PGAP4: variants seen among roughly 807,000 people sequenced by gnomAD.
PGAP4 encodes GPI-N-acetylgalactosamine transferase PGAP4.
A neutral mutation model predicts 28.2 loss-of-function variants in PGAP4; 12 were observed. The observed-to-expected ratio is 0.42, with a 90% CI of 0.27 to 0.69. The LOEUF is 0.69. PGAP4 is among the 30% of genes least tolerant of loss of function. The probability of loss-of-function intolerance (pLI) is 0.22; values close to 1 mark genes in which losing one functional copy is unlikely to be tolerated. For synonymous variants in PGAP4, 205 were observed against 211.8 expected, an observed-to-expected ratio of 0.97 and a Z score of 0.28; for missense variants, 425 against 513.5, an observed-to-expected ratio of 0.83 and a Z score of 1.67.
Position 101,518,469 on chromosome 9 carries a change from G to A in PGAP4, c.-165+12879C>T, listed in dbSNP as rs940238387. Among the ~76,000 whole-genome samples the A allele has an allele frequency of 1.3e-5, 2 of 152,072 alleles. 1 individual carries two copies. Among genetic ancestry groups the A allele is most frequent in the African/African-American group, 4.8e-5 (2 of 41,398 alleles). Reference sequence around the variant, plus strand: ...CCCAAGTCCCCAATATCCATTGTATGATTCTTATGCCATTGTGTTTCATAG... The same window carrying A: ...CCCAAGTCCCCAATATCCATTGTATAATTCTTATGCCATTGTGTTTCATAG... On this transcript the variant is annotated intron_variant, in intron 2 of 3. Coordinates refer to the PGAP4 transcript ENST00000374851.
intron 1 of PGAP4, among the ~76,000 whole-genome samples, chr9:101,483,970 A>G (rs1385059808): frequency 6.6e-6 from 1 of 152,186 alleles, no homozygotes; most frequent in Non-Finnish European, 1.5e-5. Context: ...ACTTCGAGGG[A>G]GTGTCACAGT....
rs573697758 is a variant in PGAP4 at position 101,500,282 on chromosome 9, G to C, written c.-164-11082C>G. On this transcript the variant is annotated intron_variant, in intron 2 of 3. Coordinates refer to the PGAP4 transcript ENST00000374851. The stretch of plus-strand genomic sequence containing the variant: ...GTCAACAGAGCTGGTTCCTTCCTGA[G>C]GCTCTGAGGAGAGAATCCATTTTCT... Among the ~76,000 whole-genome samples the C allele has an allele frequency of 4.6e-5, 7 of 152,124 alleles. No individual in the cohort carries two copies. In the East Asian group the frequency reaches 1.4e-3, roughly 29 times the overall value.
At chr9:101,511,337 T>C (rs952266713) in intron 2 of PGAP4, among the ~76,000 whole-genome samples, 3 of 152,182 alleles carry the variant, frequency 2.0e-5, no homozygotes, top group Non-Finnish European at 4.4e-5. Context: ...GCATGCTTTA[T>C]AGCAGGGGTC....
At chr9:101,505,125 A>G (rs778692987) in intron 2 of PGAP4, among the ~76,000 whole-genome samples, 3 of 152,090 alleles carry the variant, frequency 2.0e-5, no homozygotes, top group Non-Finnish European at 4.4e-5. Context: ...CTACTATCTA[A>G]AGGACTGAGT....
At chr9:101,524,971 C>A (rs546362478) in intron 2 of PGAP4, among the ~76,000 whole-genome samples, 1 of 152,184 alleles carries the variant, frequency 6.6e-6, no homozygotes, top group Non-Finnish European at 1.5e-5. Flanking sequence ...GCAATCTAGT[C>A]CTGCCTCCCA....
chr9:101,520,864 C>T (rs1301219215), intron 2 of PGAP4, among the ~76,000 whole-genome samples: 6 of 152,012 alleles, frequency 3.9e-5, no homozygotes, highest in South Asian at 2.1e-4. Flanking sequence ...TTGTCACAGA[C>T]GGCTTTTATT....
At chr9:101,497,073 A>G (rs1158206862) in intron 2 of PGAP4, among the ~76,000 whole-genome samples, 2 of 150,812 alleles carry the variant, frequency 1.3e-5, no homozygotes, top group Non-Finnish European at 3.0e-5. Flanking sequence ...TCATTTATAG[A>G]TGAGAACTAT....
chr9:101,513,316 G>A (rs1201801179), intron 2 of PGAP4, among the ~76,000 whole-genome samples: 2 of 152,100 alleles, frequency 1.3e-5, no homozygotes, highest in Non-Finnish European at 2.9e-5. Flanking sequence ...CTAATCTTGT[G>A]ATTCTTCCAA....
At chr9:101,528,175 G>A (rs79728660) in intron 2 of PGAP4, among the ~76,000 whole-genome samples, 5,284 of 152,168 alleles carry the variant, frequency 0.035, 130 homozygotes, top group South Asian at 0.08. Flanking sequence ...CCACATTTCT[G>A]GAAATTCTTT....
upstream of PGAP4, among the ~76,000 whole-genome samples, chr9:101,489,661 T>C (rs1402925471): frequency 6.6e-6 from 1 of 152,198 alleles, no homozygotes; most frequent in African/African-American, 2.4e-5. Flanking sequence ...TATCTCCTGC[T>C]AGTGTCTCCC....
Position 101,475,593 on chromosome 9 carries a change from G to A in PGAP4, c.*288C>T. 1 of 397,708 alleles carries A rather than the reference G, an allele frequency of 2.5e-6. No individual in the cohort carries two copies. The allele number at this position is 397,708 out of a possible 1,614,324, so 24.6% of individuals were successfully genotyped here. On this transcript the variant is annotated 3_prime_UTR_variant, in exon 2 of 2. Transcript: ENST00000374848. ...CACAAAGCAGAGCTTAAAAACAAAT[G>A]GAGAATATAATCAGTGTTCAAATGC...
chr9:101,520,839 A>T (rs1247292005), intron 2 of PGAP4, among the ~76,000 whole-genome samples: 1 of 152,108 alleles, frequency 6.6e-6, no homozygotes, highest in Non-Finnish European at 1.5e-5. Flanking sequence ...ATTCAGTATT[A>T]TGTTGGCTGT....
intron 2 of PGAP4, among the ~76,000 whole-genome samples, chr9:101,496,924 GT>G (rs1394153814): frequency 4.0e-5 from 6 of 150,332 alleles, no homozygotes; most frequent in South Asian, 2.1e-4. Flanking sequence ...AATAAAGAAT[GT>G]TTTTTCATAA....
chr9:101,497,527 C>T (rs530592992), intron 2 of PGAP4, among the ~76,000 whole-genome samples: 1 of 151,650 alleles, frequency 6.6e-6, no homozygotes, highest in Admixed American at 6.6e-5. Context: ...TCATAACTCT[C>T]ATGCCAAACC....
intron 2 of PGAP4, among the ~76,000 whole-genome samples, chr9:101,522,144 C>T (rs1009371245): frequency 1.3e-5 from 2 of 152,082 alleles, no homozygotes; most frequent in African/African-American, 2.4e-5. Flanking sequence ...TATAGTCTGT[C>T]TTGGAGAAAG....
Position 101,475,952 on chromosome 9 carries a change from C to G in PGAP4, c.1141G>C (p.Glu381Gln). The G allele has an allele frequency of 6.2e-7, 1 of 1,614,236 alleles. No individual in the cohort carries two copies. Among genetic ancestry groups the G allele is most frequent in the South Asian group, 1.1e-5 (1 of 91,088 alleles). Reference sequence around the variant, plus strand: ...CCGATGTGTTTCACGAGGTTCGGCTCCACTACATAGGCCCTCTCTCCCTTG... The same window carrying G: ...CCGATGTGTTTCACGAGGTTCGGCTGCACTACATAGGCCCTCTCTCCCTTG... ...RAKGERAYVV[E>Q]PNLVKHIGLF... Residue 381 changes from glutamate to glutamine, a missense_variant, in exon 2 of 2, where the codon GAG becomes CAG. Coordinates refer to ENST00000374848, the MANE Select transcript of PGAP4 (RefSeq NM_032342.3).
intron 1 of PGAP4, among the ~76,000 whole-genome samples, chr9:101,481,795 A>C (rs1485162533): frequency 1.3e-5 from 2 of 152,192 alleles, no homozygotes; most frequent in Non-Finnish European, 2.9e-5. Flanking sequence ...CCACTATATG[A>C]ATGGCACGAC....
intron 2 of PGAP4, among the ~76,000 whole-genome samples, chr9:101,506,197 A>G (rs1374391647): frequency 2.0e-5 from 3 of 152,122 alleles, no homozygotes; most frequent in East Asian, 1.9e-4. Context: ...GTGGAAAACT[A>G]TAGTAAGCCG....
At chr9:101,491,282 T>TC (rs1223312047), upstream of PGAP4, among the ~76,000 whole-genome samples, 3 of 152,092 alleles carry the variant, frequency 2.0e-5, no homozygotes, top group Non-Finnish European at 4.4e-5. Context: ...AAATGGTTAT[T>TC]CCCCCCCGAT....
Sources: gnomAD v4.1 joint callset for allele counts (sites outside exome capture counted in the v4.1 genomes callset) on GRCh38, gnomAD v4.1.1 for gene constraint, MANE v1.5 for transcripts, NCBI Gene and HGNC (gene_info 2026-07-23, HGNC 2026-07-21) for gene names.